The following RAB2A variants were observed in gnomAD, a reference collection of about 807,000 sequenced individuals.
RAB2A encodes RAB2A, member RAS oncogene family, also known as ras-related protein Rab-2A.
Under a neutral mutation model 32.5 loss-of-function variants are expected in RAB2A, and 7 were observed. The observed-to-expected ratio is 0.22, with a 90% confidence interval of 0.12 to 0.40. The LOEUF (loss-of-function observed/expected upper bound fraction) is 0.40. Ranked by LOEUF, RAB2A falls within the 10% of genes least tolerant of loss-of-function variation. The probability of loss-of-function intolerance (pLI) is 1.00; values close to 1 mark genes in which losing one functional copy is unlikely to be tolerated. For missense variants in RAB2A, 108 were observed against 260.7 expected, an observed-to-expected ratio of 0.41 and a Z score of 4.03; for synonymous variants, 79 against 85.2, an observed-to-expected ratio of 0.93 and a Z score of 0.40.
At chr8:60,618,547 TATATA>T in intron 6 of RAB2A, 28 bp from the exon 7 acceptor site, 1 of 1,090,598 alleles carries the variant, frequency 9.2e-7, no homozygotes, top group South Asian at 1.8e-5. Context: ...GCTTTGGTTT[TATATA>T]ATATGAACCA....
intron 6 of RAB2A, among the ~76,000 whole-genome samples, chr8:60,593,308 A>G (rs1476977767): frequency 6.6e-6 from 1 of 152,212 alleles, no homozygotes; most frequent in Non-Finnish European, 1.5e-5. Context: ...CCTTGGTGCC[A>G]GAGGAATGAC....
At chr8:60,525,959 G>GTC (rs1807372428) in intron 1 of RAB2A, among the ~76,000 whole-genome samples, 1 of 134,508 alleles carries the variant, frequency 7.4e-6, no homozygotes, top group Non-Finnish European at 1.6e-5. Flanking sequence ...ATGTATATAT[G>GTC]TATATATATG....
intron 1 of RAB2A, among the ~76,000 whole-genome samples, chr8:60,521,771 C>T (rs1807305878): frequency 6.6e-6 from 1 of 152,162 alleles, no homozygotes; most frequent in African/African-American, 2.4e-5. Context: ...CAGGCGTCTG[C>T]CCCCACGCCC....
chr8:60,533,861 C>T (rs1481168031), intron 1 of RAB2A, among the ~76,000 whole-genome samples: 1 of 151,876 alleles, frequency 6.6e-6, no homozygotes, highest in Non-Finnish European at 1.5e-5. Flanking sequence ...TCCCAGCTAC[C>T]CGGGAGACTG....
At position 60,536,191 on chromosome 8, in the gene RAB2A, A is replaced by G. The variant is rs1475207561; in HGVS notation, c.46+18938A>G. Among the ~76,000 whole-genome samples the G allele has an allele frequency of 2.0e-5, 3 of 152,218 alleles. No homozygotes were observed. The East Asian group carries it at 5.8e-4, about 29-fold the overall frequency. ...TTGGTATATATTTCAGGTACTTACA[A>G]TTCAACAGGCTAACCAACATTAATT... On this transcript the variant is annotated intron_variant, in intron 1 of 7. Coordinates refer to ENST00000262646, the MANE Select transcript of RAB2A (RefSeq NM_002865.3).
In RAB2A at chr8:60,572,120, A is replaced by G. The variant is rs1359875484; in HGVS notation, c.186+7A>G. The stretch of plus-strand genomic sequence containing the variant: ...ACTTCAGATATGGGATACGGTAAGT[A>G]TAGGAAAAGTGCACTGTATGATCTC... On this transcript the variant is annotated splice_region_variant and intron_variant, in intron 3 of 7. Transcript: ENST00000262646. 2.5e-6 allele frequency: 4 copies of G among 1,581,650 alleles called. No individual in the cohort carries two copies. Among genetic ancestry groups the G allele is most frequent in the Non-Finnish European group, 3.5e-6 (4 of 1,154,718 alleles).
At chr8:60,534,903 T>C (rs928365011) in intron 1 of RAB2A, among the ~76,000 whole-genome samples, 1 of 152,116 alleles carries the variant, frequency 6.6e-6, no homozygotes, top group Non-Finnish European at 1.5e-5. Flanking sequence ...TAAGCCTCAT[T>C]CACCATTTAA....
chr8:60,611,831 G>T (rs778910196), intron 6 of RAB2A, among the ~76,000 whole-genome samples: 1 of 152,144 alleles, frequency 6.6e-6, no homozygotes, highest in African/African-American at 2.4e-5. Context: ...CATTGGTTCA[G>T]TATACTCAGT....
At chr8:60,593,924 TAAAA>T (rs60039535) in intron 6 of RAB2A, among the ~76,000 whole-genome samples, 146 of 150,104 alleles carry the variant, frequency 9.7e-4, no homozygotes, top group South Asian at 7.1e-3. Context: ...AATTTTAAAA[TAAAA>T]AAAAATACAA....
intron 6 of RAB2A, among the ~76,000 whole-genome samples, chr8:60,593,422 T>G (rs1803973074): frequency 6.6e-6 from 1 of 152,174 alleles, no homozygotes; most frequent in East Asian, 1.9e-4. Flanking sequence ...AAAGAAAGTC[T>G]TCTAGCCAGA....
intron 1 of RAB2A, among the ~76,000 whole-genome samples, chr8:60,539,117 A>G (rs1807600051): frequency 6.6e-6 from 1 of 152,212 alleles, no homozygotes; most frequent in African/African-American, 2.4e-5. Context: ...CATGAGATGC[A>G]TTAATTCATT....
chr8:60,589,585 A>C (rs1803907902), intron 5 of RAB2A, among the ~76,000 whole-genome samples: 1 of 152,194 alleles, frequency 6.6e-6, no homozygotes, highest in African/African-American at 2.4e-5. Flanking sequence ...AAAGTTTTTT[A>C]ATAGTGTAAG....
rs1172047021 is a variant in RAB2A at position 60,585,831 on chromosome 8, A to G, written c.362+1016A>G. Among the ~76,000 whole-genome samples, 3 of 152,226 alleles carry G rather than the reference A, an allele frequency of 2.0e-5. No homozygotes were observed. The East Asian group carries it at 5.8e-4, about 29-fold the overall frequency. ...AAAGAAACTGAAATGAATTTACAAG[A>G]TGGATGCAAAACTGAACAGTATTCA... On this transcript the variant is annotated intron_variant, in intron 5 of 7. Coordinates refer to ENST00000262646, the MANE Select transcript of RAB2A (RefSeq NM_002865.3).
At chr8:60,544,563 T>TA (rs1021820028) in intron 1 of RAB2A, among the ~76,000 whole-genome samples, 1 of 140,366 alleles carries the variant, frequency 7.1e-6, no homozygotes, top group African/African-American at 2.8e-5. Context: ...TTTTTTTTTT[T>TA]TTTTTTTTTA....
At chr8:60,588,938 ACTT>A (rs1223137873) in intron 5 of RAB2A, among the ~76,000 whole-genome samples, 2 of 152,336 alleles carry the variant, frequency 1.3e-5, no homozygotes, top group East Asian at 3.9e-4. Context: ...AACATTGTTT[ACTT>A]CTTTGTGTAG....
chr8:60,591,129 TAATA>T (rs1310989241), intron 5 of RAB2A, among the ~76,000 whole-genome samples: 4 of 151,562 alleles, frequency 2.6e-5, no homozygotes, highest in African/African-American at 9.7e-5. Flanking sequence ...ATAAATATAA[TAATA>T]AAGTTTTTTA....
At chr8:60,536,271 T>G (rs1005443520) in intron 1 of RAB2A, among the ~76,000 whole-genome samples, 3 of 152,020 alleles carry the variant, frequency 2.0e-5, no homozygotes, top group African/African-American at 7.3e-5. Flanking sequence ...ATTTTGTTAC[T>G]GTTAATACAT....
At chr8:60,517,291 C>T (rs1454358341) in intron 1 of RAB2A, 38 bp downstream of exon 1, 32 of 1,470,008 alleles carry the variant, frequency 2.2e-5, no homozygotes, top group Non-Finnish European at 2.5e-5. Flanking sequence ...GTGTCGGCGG[C>T]CTCCGGACCC....
At chr8:60,525,015 A>G (rs988477083) in intron 1 of RAB2A, among the ~76,000 whole-genome samples, 1 of 152,242 alleles carries the variant, frequency 6.6e-6, no homozygotes. Context: ...TCAAAAGCTT[A>G]TTATCTGTTA....
Sources: gnomAD v4.1 joint callset for allele counts (sites outside exome capture counted in the v4.1 genomes callset) on GRCh38, gnomAD v4.1.1 for gene constraint, MANE v1.5 for transcripts, NCBI Gene and HGNC (gene_info 2026-07-23, HGNC 2026-07-21) for gene names.